The following SLC26A5 variants were observed in gnomAD, a reference collection of about 807,000 sequenced individuals.
The protein encoded by SLC26A5 is prestin.
SLC26A5 carries 51 observed loss-of-function variants against 81.0 expected under a neutral mutation model. That is an observed-to-expected ratio of 0.63 (90% CI 0.50 to 0.80). The LOEUF (loss-of-function observed/expected upper bound fraction) is 0.80, where lower values mean the gene tolerates loss of function less well. Ranked by LOEUF, SLC26A5 falls within the 30% of genes least tolerant of loss-of-function variation. SLC26A5 has a pLI of 0.00. For synonymous variants in SLC26A5, 325 were observed against 332.8 expected (o/e 0.98, Z 0.25); for missense variants, 771 against 905.8 (o/e 0.85, Z 1.91).
rs1303798661 is a variant in SLC26A5 at position 103,391,619 on chromosome 7, T to C, written c.1233+3A>G. 1 of 1,612,230 alleles carries C rather than the reference T, an allele frequency of 6.2e-7. No individual in the cohort carries two copies. Among genetic ancestry groups the C allele is most frequent in the Non-Finnish European group, 8.5e-7 (1 of 1,178,300 alleles). On this transcript the variant is annotated splice_donor_region_variant and intron_variant, in intron 11 of 19. Coordinates refer to ENST00000306312, the MANE Select transcript of SLC26A5 (RefSeq NM_198999.3). ...AGGTCTTAGAGGCCTGTTATGTACATACCTGTGTCTTCCCACCGGTTCCCT... is the reference window on the plus strand; with the variant it reads ...AGGTCTTAGAGGCCTGTTATGTACACACCTGTGTCTTCCCACCGGTTCCCT...
intron 2 of SLC26A5, among the ~76,000 whole-genome samples, chr7:103,424,639 G>A (rs1316755541): frequency 6.6e-6 from 1 of 152,176 alleles, no homozygotes; most frequent in Non-Finnish European, 1.5e-5. Context: ...GTAGACCTGA[G>A]GAAGGTCTAA....
chr7:103,411,372 G>C, intron 6 of SLC26A5, 48 bp downstream of exon 6: 5 of 1,608,784 alleles, frequency 3.1e-6, no homozygotes, highest in African/African-American at 1.3e-5. Flanking sequence ...GTAGATACTT[G>C]TTAGGTTAAC....
At chr7:103,435,265 T>C (rs751070903) in intron 2 of SLC26A5, among the ~76,000 whole-genome samples, 21 of 152,220 alleles carry the variant, frequency 1.4e-4, no homozygotes, top group Non-Finnish European at 2.5e-4. Context: ...AAAAAGGCGA[T>C]TTTCTTTTCC....
intron 19 of SLC26A5, chr7:103,364,029 A>T: frequency 2.0e-6 from 2 of 976,544 alleles, no homozygotes; most frequent in Non-Finnish European, 3.0e-6. Context: ...TTTAAATATT[A>T]AAGTATGGTT....
chr7:103,432,587 T>C (rs1157102196), intron 2 of SLC26A5, among the ~76,000 whole-genome samples: 1 of 152,214 alleles, frequency 6.6e-6, no homozygotes, highest in Non-Finnish European at 1.5e-5. Context: ...AGTGTTGCAT[T>C]TTCCCTTTTG....
intron 2 of SLC26A5, among the ~76,000 whole-genome samples, chr7:103,434,841 G>A (rs1177523824): frequency 2.0e-5 from 3 of 152,150 alleles, no homozygotes; most frequent in Non-Finnish European, 2.9e-5. Flanking sequence ...TAGTAAAGAC[G>A]GGGTTTCACC....
chr7:103,368,773 C>A lies in SLC26A5; in HGVS notation c.2041+8035G>T, dbSNP rs549574235. The stretch of plus-strand genomic sequence containing the variant: ...AAAAAAAGAAAAAAAAATATTTGTA[C>A]ATATGATCTAATTTAGAAAGTCCAG... On this transcript the variant is annotated intron_variant, in intron 19 of 19. Transcript: ENST00000339444. 3 of 152,206 alleles carry A rather than the reference C, an allele frequency of 2.0e-5. No individual in the cohort carries two copies. The South Asian group carries it at 6.2e-4, about 32-fold the overall frequency. 9.4% of individuals were successfully genotyped at this position (152,206 alleles called of 1,614,324 possible).
At chr7:103,405,582 A>T (rs1823979194) in intron 8 of SLC26A5, among the ~76,000 whole-genome samples, 1 of 152,076 alleles carries the variant, frequency 6.6e-6, no homozygotes, top group African/African-American at 2.4e-5. Context: ...GGCACCCGCC[A>T]TATGCCAGCC....
chr7:103,353,041 TA>T (rs1819813767), intron 19 of SLC26A5: 2 of 767,986 alleles, frequency 2.6e-6, no homozygotes, highest in South Asian at 1.4e-5. Flanking sequence ...GGATTACAAA[TA>T]AATTTGAGCA....
intron 19 of SLC26A5, among the ~76,000 whole-genome samples, chr7:103,376,569 A>G (rs1361442792): frequency 6.6e-6 from 1 of 152,210 alleles, no homozygotes; most frequent in Non-Finnish European, 1.5e-5. Context: ...ATTATAATAA[A>G]TGATGGCTTA....
At chr7:103,432,016 A>G (rs1826116490) in intron 2 of SLC26A5, among the ~76,000 whole-genome samples, 1 of 152,182 alleles carries the variant, frequency 6.6e-6, no homozygotes, top group African/African-American at 2.4e-5. Flanking sequence ...CCTGGGTTCA[A>G]TAGATTGTTG....
chr7:103,417,695 G>A (rs934267764), intron 4 of SLC26A5, among the ~76,000 whole-genome samples: 45 of 152,082 alleles, frequency 3.0e-4, no homozygotes, highest in African/African-American at 1.1e-3. Context: ...TATCTCACAA[G>A]CATCTCAAAT....
chr7:103,377,893 CT>C, intron 17 of SLC26A5, 94 bp from the exon 18 acceptor site: 1 of 1,181,080 alleles, frequency 8.5e-7, no homozygotes, highest in South Asian at 1.2e-5. Context: ...CTCTTGTGTT[CT>C]TAAGCTACTG....
intron 11 of SLC26A5, 80 bp from the exon 12 acceptor site, chr7:103,390,586 G>T: frequency 1.8e-6 from 2 of 1,112,606 alleles, no homozygotes; most frequent in South Asian, 1.2e-5. Context: ...TTATTCTTTT[G>T]ATAATTACTA....
At chr7:103,359,289 TG>T (rs930155501) in intron 19 of SLC26A5, among the ~76,000 whole-genome samples, 4 of 151,762 alleles carry the variant, frequency 2.6e-5, no homozygotes, top group African/African-American at 9.7e-5. Flanking sequence ...TGAGCCACCG[TG>T]CCCAGCCAGC....
At chr7:103,406,334 G>A (rs1223956771) in intron 8 of SLC26A5, among the ~76,000 whole-genome samples, 3 of 152,170 alleles carry the variant, frequency 2.0e-5, no homozygotes, top group Non-Finnish European at 4.4e-5. Context: ...GAGTCTCCTA[G>A]TCTGTGGGTT....
At chr7:103,412,340 A>G (rs1360490442) in intron 5 of SLC26A5, among the ~76,000 whole-genome samples, 1 of 152,220 alleles carries the variant, frequency 6.6e-6, no homozygotes, top group Non-Finnish European at 1.5e-5. Context: ...AAAATGAAAT[A>G]CATGCATAGC....
At chr7:103,368,936 T>TA (rs1434388989) in intron 19 of SLC26A5, 1 of 152,172 alleles carries the variant, frequency 6.6e-6, no homozygotes. Flanking sequence ...AACATCTCTT[T>TA]AAAATTACCT....
Position 103,367,567 on chromosome 7 carries a change from G to A in SLC26A5, c.2041+9241C>T. The A allele has an allele frequency of 6.2e-7, 1 of 1,614,138 alleles. No individual in the cohort carries two copies. Among genetic ancestry groups the A allele is most frequent in the South Asian group, 1.1e-5 (1 of 91,076 alleles). ...ATACTTTGGATCCAGCACTGATGAG[G>A]CCAGGGAGATTGGATAGAAAAATTG... On this transcript the variant is annotated intron_variant, in intron 19 of 19. Transcript: ENST00000339444. This position sits in a 1 kb window ranked among gnomAD's most constrained non-coding sequence, Gnocchi z 6.1.
Sources: gnomAD v4.1 joint callset for allele counts (sites outside exome capture counted in the v4.1 genomes callset) on GRCh38, gnomAD v4.1.1 for gene constraint, Gnocchi (gnomAD v3.1) non-coding constraint, MANE v1.5 for transcripts, NCBI Gene and HGNC (gene_info 2026-07-23, HGNC 2026-07-21) for gene names.